NRG2: variants seen among roughly 807,000 people sequenced by gnomAD.
NRG2 encodes the protein pro-neuregulin-2, membrane-bound isoform.
NRG2 carries 27 observed loss-of-function variants against 73.9 expected under a neutral mutation model. The ratio of observed to expected loss-of-function variants is 0.37; its 90% confidence interval spans 0.27 to 0.50. The LOEUF (loss-of-function observed/expected upper bound fraction) is 0.50, where lower values mean the gene tolerates loss of function less well. Among genes scored for constraint, NRG2 ranks in the 20% least tolerant of loss-of-function variants. The pLI is 0.96. For synonymous variants in NRG2, 532 were observed against 541.0 expected (o/e 0.98, Z 0.23); for missense variants, 1,126 against 1,210.1 (o/e 0.93, Z 1.03).
chr5:140,014,682 C>T (rs911405009), intron 1 of NRG2, among the ~76,000 whole-genome samples: 1 of 152,190 alleles, frequency 6.6e-6, no homozygotes, highest in Non-Finnish European at 1.5e-5. Flanking sequence ...AAGCCACCAC[C>T]ATGTCTCACC....
chr5:139,848,324 T>G lies in NRG2; in HGVS notation c.2146A>C (p.Thr716Pro). The G allele has an allele frequency of 3.4e-6, 4 of 1,189,914 alleles. No individual in the cohort carries two copies. The highest frequency in any genetic ancestry group is 3.1e-6 in the Non-Finnish European group (3 of 962,674). 73.7% of individuals were successfully genotyped at this position (1,189,914 alleles called of 1,614,324 possible). The part of the protein sequence containing the change: ...RIPEDDEYET[T>P]QECAPPPPPR... ...GGCGGCGGGGGCGCGCACTCCTGCG[T>G]GGTCTCGTACTCGTCGTCCTCGGGG... The change falls in exon 10 of 10, where the codon ACG becomes CCG. Residue 716 changes from threonine to proline, a missense_variant. By Grantham distance (38) the Thr-to-Pro change is conservative (BLOSUM62 -1). This residue lies in a region of NRG2 where 402 missense variants were observed against 357.8 expected (regional missense o/e 1.12). Coordinates refer to ENST00000361474, the MANE Select transcript of NRG2 (RefSeq NM_004883.3).
intron 1 of NRG2, among the ~76,000 whole-genome samples, chr5:139,888,842 T>C (rs1764036674): frequency 6.6e-6 from 1 of 152,112 alleles, no homozygotes; most frequent in African/African-American, 2.4e-5. Flanking sequence ...AACAAAACCT[T>C]CCTTTGTCTC....
intron 1 of NRG2, among the ~76,000 whole-genome samples, chr5:140,010,859 A>C (rs1351121880): frequency 6.6e-6 from 1 of 152,234 alleles, no homozygotes; most frequent in Non-Finnish European, 1.5e-5. Flanking sequence ...GCTCCCCCAC[A>C]GGCTCTCTAA....
At chr5:139,993,449 T>C (rs1290175302) in intron 1 of NRG2, among the ~76,000 whole-genome samples, 1 of 152,242 alleles carries the variant, frequency 6.6e-6, no homozygotes, top group African/African-American at 2.4e-5. Flanking sequence ...TGGAATGCTT[T>C]TTCCTAATCT....
intron 1 of NRG2, among the ~76,000 whole-genome samples, chr5:140,006,940 T>C (rs902452347): frequency 6.6e-6 from 1 of 152,154 alleles, no homozygotes; most frequent in Non-Finnish European, 1.5e-5. Context: ...AGACCATGGT[T>C]CTCAAAAGCC....
chr5:139,946,274 T>C (rs1010519365), intron 1 of NRG2, among the ~76,000 whole-genome samples: 3 of 152,092 alleles, frequency 2.0e-5, no homozygotes, highest in Admixed American at 6.5e-5. Context: ...AACAGATCAA[T>C]AGAATAAAAT....
chr5:140,032,061 A>G (rs1348524814), intron 1 of NRG2, among the ~76,000 whole-genome samples: 1 of 152,180 alleles, frequency 6.6e-6, no homozygotes, highest in East Asian at 1.9e-4. Flanking sequence ...AGAAGCCCCC[A>G]AATTGTCTAC....
In NRG2 at chr5:139,855,854, G is replaced by A. The variant is rs550209883; in HGVS notation, c.1190-76C>T. ...GGGATAGTGGTGCAGAGACCCCTTT[G>A]CCCCCAAAGCCATAGGCTCTCCCCA... On this transcript the variant is annotated intron_variant, in intron 5 of 9. Coordinates refer to ENST00000361474, the MANE Select transcript of NRG2 (RefSeq NM_004883.3). 9.5e-6 allele frequency: 11 copies of A among 1,153,698 alleles called. No individual in the cohort carries two copies. In the African/African-American group the frequency reaches 1.5e-4, roughly 16 times the overall value. The allele number at this position is 1,153,698 out of a possible 1,614,324, so 71.5% of individuals were successfully genotyped here. A position where few individuals can be genotyped will look rare whatever the true frequency, so the allele number is the denominator to read the frequency against.
intron 1 of NRG2, among the ~76,000 whole-genome samples, chr5:139,935,579 A>C (rs1752785011): frequency 6.6e-6 from 1 of 152,242 alleles, no homozygotes; most frequent in Non-Finnish European, 1.5e-5. Context: ...AAAGCACCCA[A>C]ATACTTACAT....
intron 1 of NRG2, among the ~76,000 whole-genome samples, chr5:139,999,798 T>C (rs573680521): frequency 1.3e-4 from 20 of 152,306 alleles, no homozygotes; most frequent in Middle Eastern, 6.8e-3. Flanking sequence ...ATGGGAAATA[T>C]ACTCTGGGTG....
rs114184080 is a variant in NRG2 at position 139,910,491 on chromosome 5, C to T, written c.701-22980G>A. Reference sequence around the variant, plus strand: ...TGACGTTCTGAGCAAGACTTAGTTTCCCCTTCAAAACAAAAACAAACAAAC... The same window carrying T: ...TGACGTTCTGAGCAAGACTTAGTTTTCCCTTCAAAACAAAAACAAACAAAC... On this transcript the variant is annotated intron_variant, in intron 1 of 9. Coordinates refer to ENST00000361474, the MANE Select transcript of NRG2 (RefSeq NM_004883.3). 3.6e-3 allele frequency among the ~76,000 whole-genome samples: 550 copies of T among 152,330 alleles called. 3 individuals are homozygous for T. Among genetic ancestry groups the T allele is most frequent in the African/African-American group, 0.012 (513 of 41,574 alleles).
intron 1 of NRG2, among the ~76,000 whole-genome samples, chr5:140,039,438 A>G (rs1485042921): frequency 6.6e-6 from 1 of 152,166 alleles, no homozygotes; most frequent in Non-Finnish European, 1.5e-5. Context: ...ACTCAACTCT[A>G]TCACCAGATG....
At chr5:140,007,525 C>T (rs574514581) in intron 1 of NRG2, among the ~76,000 whole-genome samples, 22 of 151,882 alleles carry the variant, frequency 1.4e-4, no homozygotes, top group Non-Finnish European at 7.4e-5. Context: ...GAGTGTGTAC[C>T]GACAGGCAAC....
In NRG2 at chr5:139,852,448, G is replaced by C; in HGVS notation, c.1528C>G (p.Pro510Ala). The change falls in exon 8 of 10, where the codon CCC (proline) becomes GCC (alanine). Residue 510 changes from proline to alanine, a missense_variant. Coordinates refer to ENST00000361474, the MANE Select transcript of NRG2 (RefSeq NM_004883.3). The surrounding 1 kb of genome is among the most constrained non-coding windows in gnomAD (Gnocchi z 4.4). ...GGTGCCTACCTGTGGCTGGAGGTGG[G>C]TGTGGCTGTGGAGCAGTGGTGAGAA... ...SPSHHCSTAT[P>A]TSSHRHESHT... 6.2e-7 allele frequency: 1 copy of C among 1,613,814 alleles called. No individual in the cohort carries two copies. Among genetic ancestry groups the C allele is most frequent in the East Asian group, 2.2e-5 (1 of 44,882 alleles).
chr5:139,971,375 A>C (rs533071167), intron 1 of NRG2, among the ~76,000 whole-genome samples: 2 of 152,282 alleles, frequency 1.3e-5, no homozygotes, highest in Admixed American at 1.3e-4. Flanking sequence ...TTTGCTTTGC[A>C]ACACATCTGT....
rs2126980685 is a variant in NRG2, at chr5:139,846,897, TTAAAC to T, written c.*1015_*1019del. Reference sequence around the variant, plus strand: ...TTTCTGTTTGGGATTTTTTTTTTTTTTAAACAATTACCTTTTTGACAAATTAGCAG... The same window carrying T: ...TTTCTGTTTGGGATTTTTTTTTTTTTAATTACCTTTTTGACAAATTAGCAG... On this transcript the variant is annotated 3_prime_UTR_variant, in exon 10 of 10. Transcript: ENST00000361474. 1 of 152,238 alleles carries T rather than the reference TTAAAC, an allele frequency of 6.6e-6. No individual in the cohort carries two copies. Among genetic ancestry groups the T allele is most frequent in the East Asian group, 1.9e-4 (1 of 5,186 alleles). 9.4% of individuals were successfully genotyped at this position (152,238 alleles called of 1,614,324 possible).
chr5:139,959,198 G>GTT (rs552796920), intron 1 of NRG2, among the ~76,000 whole-genome samples: 276 of 151,618 alleles, frequency 1.8e-3, no homozygotes, highest in Middle Eastern at 3.4e-3. Flanking sequence ...TTGTTTGTTT[G>GTT]TTTGTTTTTG....
intron 1 of NRG2, among the ~76,000 whole-genome samples, chr5:139,947,970 A>G (rs1753919267): frequency 6.6e-6 from 1 of 152,224 alleles, no homozygotes; most frequent in Non-Finnish European, 1.5e-5. Context: ...AGTGGAACCA[A>G]GTACATGAAC....
rs774309810 is a variant in NRG2 at position 139,904,380 on chromosome 5, C to G, written c.701-16869G>C. 5.1e-6 allele frequency: 8 copies of G among 1,576,938 alleles called. No homozygotes were observed. The highest frequency in any genetic ancestry group is 1.1e-5 in the South Asian group (1 of 88,902). On this transcript the variant is annotated intron_variant, in intron 1 of 9. Transcript: ENST00000361474. The surrounding 1 kb of genome is among the most constrained non-coding windows in gnomAD (Gnocchi z 6.0). ...GCTTCTTGCCGCGGCCGCGGCCCCT[C>G]CTCCTGGACTCCGACATTCTGCACG... is the stretch of plus-strand genomic sequence containing the variant.
Sources: gnomAD v4.1 joint callset for allele counts (sites outside exome capture counted in the v4.1 genomes callset) on GRCh38, gnomAD v4.1.1 for gene constraint, gnomAD v4.1.1 regional missense constraint, Gnocchi (gnomAD v3.1) non-coding constraint, MANE v1.5 for transcripts, NCBI Gene and HGNC (gene_info 2026-07-23, HGNC 2026-07-21) for gene names.